OTUD7A: variants seen among roughly 807,000 people sequenced by gnomAD.
OTUD7A encodes OTU domain-containing protein 7A.
Under a neutral mutation model 65.7 loss-of-function variants are expected in OTUD7A, and 12 were observed. The observed-to-expected ratio is 0.18, with a 90% CI of 0.12 to 0.30. OTUD7A has a LOEUF of 0.30. OTUD7A is among the 10% of genes least tolerant of loss of function. OTUD7A has a pLI of 1.00. For missense variants in OTUD7A, 1,148 were observed against 1,304.8 expected (o/e 0.88, Z 1.85); for synonymous variants, 641 against 586.3 (o/e 1.09, Z -1.35).
intron 1 of OTUD7A, among the ~76,000 whole-genome samples, chr15:31,670,921 G>A (rs1458236235): frequency 6.6e-6 from 1 of 152,082 alleles, no homozygotes; most frequent in Non-Finnish European, 1.5e-5. Context: ...CATGAACCCG[G>A]GAGGCGGAGC....
intron 3 of OTUD7A, among the ~76,000 whole-genome samples, chr15:31,615,699 G>T (rs560479161): frequency 6.6e-6 from 1 of 152,334 alleles, no homozygotes; most frequent in Non-Finnish European, 1.5e-5. Context: ...AGGCCATAAA[G>T]CAAGTCCCAA....
chr15:31,720,245 C>T (rs1477770435), intron 1 of OTUD7A, among the ~76,000 whole-genome samples: 1 of 151,376 alleles, frequency 6.6e-6, no homozygotes, highest in African/African-American at 2.4e-5. Flanking sequence ...ATCTGTGCCA[C>T]ATCCAATAGT....
In OTUD7A at chr15:31,479,371, CTTAATT is replaced by C. The variant is rs1349688909; in HGVS notation, c.*3917_*3922del. On this transcript the variant is annotated 3_prime_UTR_variant, in exon 13 of 13. Transcript: ENST00000307050. The stretch of plus-strand genomic sequence containing the variant: ...GAAAAAGGACAGAACACTGGGGGTA[CTTAATT>C]TTAAAGTCCACACCAAGATGAGGAG... The C allele has an allele frequency of 2.0e-5, 3 of 152,052 alleles. No homozygotes were observed. Among genetic ancestry groups the C allele is most frequent in the Admixed American group, 2.0e-4 (3 of 15,274 alleles). 9.4% of individuals were successfully genotyped at this position (152,052 alleles called of 1,614,324 possible).
intron 1 of OTUD7A, among the ~76,000 whole-genome samples, chr15:31,798,383 C>T (rs539737347): frequency 6.6e-6 from 1 of 152,140 alleles, no homozygotes; most frequent in East Asian, 1.9e-4. Context: ...GCTCCCGATG[C>T]CCCCTCATGC....
chr15:31,484,559 C>CCTTCTCCTTGCGCTG lies in OTUD7A; in HGVS notation c.1522_1536dup (p.Gln508_Lys512dup). The CCTTCTCCTTGCGCTG allele has an allele frequency of 3.1e-6, 5 of 1,611,578 alleles. No homozygotes were observed. Among genetic ancestry groups the CCTTCTCCTTGCGCTG allele is most frequent in the Non-Finnish European group, 4.2e-6 (5 of 1,179,886 alleles). The stretch of plus-strand genomic sequence containing the variant: ...GCCACGGAGTCGGCGCGCGTCTTGT[C>CCTTCTCCTTGCGCTG]CTTCTCCTTGCGCTGCTTCTCCTTC... On this transcript the variant is annotated inframe_insertion, in exon 13 of 13. Transcript: ENST00000307050. This position sits in a 1 kb window ranked among gnomAD's most constrained non-coding sequence, Gnocchi z 4.5.
intron 3 of OTUD7A, among the ~76,000 whole-genome samples, chr15:31,619,545 A>T (rs946749117): frequency 1.3e-4 from 15 of 119,526 alleles, no homozygotes; most frequent in Non-Finnish European, 1.9e-4. Context: ...TGTGAATGGG[A>T]GTTCACTCAT....
intron 1 of OTUD7A, among the ~76,000 whole-genome samples, chr15:31,775,963 C>T (rs1032444180): frequency 2.6e-5 from 4 of 152,212 alleles, no homozygotes; most frequent in Non-Finnish European, 4.4e-5. Flanking sequence ...GAGGTTAAAA[C>T]GCACATACAC....
chr15:31,777,111 C>G (rs1231137077), intron 1 of OTUD7A, among the ~76,000 whole-genome samples: 4 of 152,158 alleles, frequency 2.6e-5, no homozygotes, highest in Non-Finnish European at 5.9e-5. Flanking sequence ...GTTCTGGAGG[C>G]TGGGGAGTCC....
chr15:31,600,603 C>T (rs954934238), intron 3 of OTUD7A, among the ~76,000 whole-genome samples: 1 of 152,168 alleles, frequency 6.6e-6, no homozygotes, highest in African/African-American at 2.4e-5. Flanking sequence ...CAAATTCACA[C>T]ATAACAATAT....
chr15:31,495,866 G>A (rs1033909794), intron 10 of OTUD7A, among the ~76,000 whole-genome samples: 11 of 152,064 alleles, frequency 7.2e-5, no homozygotes, highest in African/African-American at 2.7e-4. Context: ...AGGAGTTTGA[G>A]ACCAGCCTGG....
At position 31,484,815 on chromosome 15, in the gene OTUD7A, G is replaced by A. The variant is rs990065594; in HGVS notation, c.1372-91C>T. The A allele has an allele frequency of 1.9e-5, 29 of 1,501,186 alleles. No individual in the cohort carries two copies. Among genetic ancestry groups the A allele is most frequent in the Non-Finnish European group, 2.4e-5 (27 of 1,128,232 alleles). The allele number at this position is 1,501,186 out of a possible 1,614,324, so 93.0% of individuals were successfully genotyped here. ...AGACACACCTTGCCCCTGTGTTGCCGAGGCTAGGGCCCTGGACCTTCACTG... is the reference window on the plus strand; with the variant it reads ...AGACACACCTTGCCCCTGTGTTGCCAAGGCTAGGGCCCTGGACCTTCACTG... On this transcript the variant is annotated intron_variant, in intron 12 of 12. Coordinates refer to ENST00000307050, the MANE Select transcript of OTUD7A (RefSeq NM_001382637.1). The surrounding 1 kb of genome is among the most constrained non-coding windows in gnomAD (Gnocchi z 4.5).
chr15:31,663,969 C>T (rs1892247061), intron 1 of OTUD7A, among the ~76,000 whole-genome samples: 1 of 152,156 alleles, frequency 6.6e-6, no homozygotes, highest in African/African-American at 2.4e-5. Flanking sequence ...TAATAGTCTC[C>T]AGTCTCATCC....
chr15:31,613,762 C>T (rs1890501124), intron 3 of OTUD7A, among the ~76,000 whole-genome samples: 1 of 122,416 alleles, frequency 8.2e-6, no homozygotes. Context: ...ACTAGAACTA[C>T]CATTTGATCT....
intron 3 of OTUD7A, among the ~76,000 whole-genome samples, chr15:31,646,706 G>A (rs1408466674): frequency 6.6e-6 from 1 of 152,026 alleles, no homozygotes; most frequent in African/African-American, 2.4e-5. Context: ...TGATCTGCCC[G>A]CCTTGGCCTC....
chr15:31,802,139 G>GTATATATA (rs533544165), intron 1 of OTUD7A, among the ~76,000 whole-genome samples: 67 of 135,224 alleles, frequency 5.0e-4, no homozygotes, highest in Middle Eastern at 7.8e-3. Flanking sequence ...GTGTGTGTGT[G>GTATATATA]TGTATATATA....
intron 5 of OTUD7A, among the ~76,000 whole-genome samples, chr15:31,547,431 C>T (rs573858410): frequency 4.6e-5 from 7 of 152,240 alleles, no homozygotes; most frequent in Non-Finnish European, 8.8e-5. Context: ...TTTATTTTAC[C>T]ACTTCTTAAG....
chr15:31,654,687 C>T (rs71476552), intron 3 of OTUD7A, among the ~76,000 whole-genome samples: 13,477 of 152,098 alleles, frequency 0.089, 1,520 homozygotes, highest in African/African-American at 0.27. Flanking sequence ...ATCATACATA[C>T]GGAGGATGCA....
In OTUD7A at chr15:31,704,163, T is replaced by C. The variant is rs538154196; in HGVS notation, c.-99-47086A>G. On this transcript the variant is annotated intron_variant, in intron 1 of 12. Transcript: ENST00000307050. ...CAACATTAATGTCCTGGTTGTGATA[T>C]TGGACCATAGTTTTGCACAATGCTA... Among the ~76,000 whole-genome samples the C allele has an allele frequency of 1.3e-4, 16 of 124,216 alleles. No homozygotes were observed. In the East Asian group the frequency reaches 2.0e-3, roughly 15 times the overall value. The allele number at this position is 124,216 out of a possible 152,430, so 81.5% of individuals were successfully genotyped here.
chr15:31,530,400 T>G (rs551123790), intron 6 of OTUD7A, among the ~76,000 whole-genome samples: 30 of 152,256 alleles, frequency 2.0e-4, no homozygotes, highest in Non-Finnish European at 2.9e-4. Context: ...TCCCACCTCC[T>G]CCCAGGAAGT....
Sources: gnomAD v4.1 joint callset for allele counts (sites outside exome capture counted in the v4.1 genomes callset) on GRCh38, gnomAD v4.1.1 for gene constraint, Gnocchi (gnomAD v3.1) non-coding constraint, MANE v1.5 for transcripts, NCBI Gene and HGNC (gene_info 2026-07-23, HGNC 2026-07-21) for gene names.